SGCZ: variants seen among roughly 807,000 people sequenced by gnomAD.
SGCZ encodes zeta-sarcoglycan.
In SGCZ, 40 loss-of-function variants were observed where a neutral mutation model predicts 41.3. The observed-to-expected ratio is 0.97, with a 90% CI of 0.75 to 1.26. SGCZ has a LOEUF of 1.26. Ranked by LOEUF, SGCZ falls within the 50% of genes most tolerant of loss-of-function variation. The pLI, the probability that SGCZ is intolerant of heterozygous loss-of-function variation, is 0.00. For synonymous variants in SGCZ, 206 were observed against 137.5 expected (o/e 1.50, Z -3.49); for missense variants, 552 against 369.8 (o/e 1.49, Z -4.04).
intron 2 of SGCZ, among the ~76,000 whole-genome samples, chr8:14,401,956 C>A (rs1799088844): frequency 6.6e-6 from 1 of 151,482 alleles, no homozygotes; most frequent in African/African-American, 2.4e-5. Context: ...CCTGTTGTTT[C>A]CTGACTTTTT....
intron 1 of SGCZ, among the ~76,000 whole-genome samples, chr8:14,652,766 G>A (rs879329294): frequency 6.6e-6 from 1 of 152,122 alleles, no homozygotes; most frequent in Non-Finnish European, 1.5e-5. Context: ...CAAATTCACA[G>A]TGACTACATG....
intron 2 of SGCZ, among the ~76,000 whole-genome samples, chr8:14,459,830 A>G (rs920063746): frequency 1.3e-5 from 2 of 152,330 alleles, no homozygotes; most frequent in Admixed American, 6.5e-5. Flanking sequence ...CAATATAATC[A>G]AAAGAAAACA....
At chr8:14,911,250 T>C in intron 1 of SGCZ, among the ~76,000 whole-genome samples, 1 of 152,074 alleles carries the variant, frequency 6.6e-6, no homozygotes, top group East Asian at 1.9e-4. Context: ...TAGAACCTAA[T>C]GACTCACATT....
chr8:15,190,091 C>T (rs374503082), intron 1 of SGCZ, among the ~76,000 whole-genome samples: 1 of 152,130 alleles, frequency 6.6e-6, no homozygotes. Context: ...ATGCCAGGCA[C>T]CTTCACAAAC....
chr8:14,654,536 C>T (rs1807499447), intron 1 of SGCZ, among the ~76,000 whole-genome samples: 2 of 152,206 alleles, frequency 1.3e-5, no homozygotes, highest in South Asian at 2.1e-4. Flanking sequence ...TTTACTACTA[C>T]TGCTACCACT....
intron 1 of SGCZ, among the ~76,000 whole-genome samples, chr8:14,819,470 T>A (rs530616326): frequency 1.7e-4 from 26 of 152,172 alleles, no homozygotes; most frequent in Admixed American, 1.1e-3. Context: ...ACTGGCCTTA[T>A]AGGGAACACT....
At chr8:14,572,707 C>T (rs1397192525) in intron 1 of SGCZ, among the ~76,000 whole-genome samples, 1 of 152,114 alleles carries the variant, frequency 6.6e-6, no homozygotes, top group Non-Finnish European at 1.5e-5. Flanking sequence ...CTTCATACAT[C>T]TGTACCACTC....
intron 1 of SGCZ, among the ~76,000 whole-genome samples, chr8:15,202,254 T>C (rs891599892): frequency 1.3e-5 from 2 of 152,174 alleles, no homozygotes; most frequent in African/African-American, 4.8e-5. Flanking sequence ...CAAATGCTCA[T>C]GAATCAATGA....
intron 1 of SGCZ, among the ~76,000 whole-genome samples, chr8:14,810,854 T>C (rs1801717508): frequency 6.6e-6 from 1 of 152,058 alleles, no homozygotes; most frequent in Non-Finnish European, 1.5e-5. Flanking sequence ...CTGACTATAA[T>C]ACAAAATATT....
intron 1 of SGCZ, among the ~76,000 whole-genome samples, chr8:14,574,480 A>G (rs1272932651): frequency 6.6e-6 from 1 of 152,180 alleles, no homozygotes. Flanking sequence ...GGATCCTGCC[A>G]TGTACCAGGG....
intron 1 of SGCZ, among the ~76,000 whole-genome samples, chr8:14,964,335 A>T (rs1801062948): frequency 6.6e-6 from 1 of 152,200 alleles, no homozygotes; most frequent in African/African-American, 2.4e-5. Flanking sequence ...AAATTTGACT[A>T]TTCCTCATGT....
intron 4 of SGCZ, among the ~76,000 whole-genome samples, chr8:14,227,072 T>C (rs1264779759): frequency 6.6e-6 from 1 of 152,024 alleles, no homozygotes; most frequent in African/African-American, 2.4e-5. Flanking sequence ...AGGTGAGCAA[T>C]CAGCCCGCAA....
At chr8:14,094,298 C>G (rs1449550022) in intron 7 of SGCZ, among the ~76,000 whole-genome samples, 1 of 151,978 alleles carries the variant, frequency 6.6e-6, no homozygotes, top group Non-Finnish European at 1.5e-5. Context: ...CCTAGCCCCC[C>G]CATGCCAGAG....
intron 2 of SGCZ, among the ~76,000 whole-genome samples, chr8:14,402,542 G>C (rs1404930409): frequency 6.8e-6 from 1 of 147,590 alleles, no homozygotes; most frequent in African/African-American, 2.7e-5. Context: ...TTATTAAATA[G>C]GGAATCCTTT....
intron 1 of SGCZ, among the ~76,000 whole-genome samples, chr8:15,040,615 C>CT (rs756367038): frequency 3.9e-5 from 6 of 152,218 alleles, no homozygotes; most frequent in Admixed American, 6.5e-5. Context: ...GAGCAAAACT[C>CT]TATCTCAAAA....
At chr8:14,537,956 A>G (rs1207659875) in intron 2 of SGCZ, among the ~76,000 whole-genome samples, 1 of 151,952 alleles carries the variant, frequency 6.6e-6, no homozygotes, top group East Asian at 1.9e-4. Flanking sequence ...TGTTTTATCC[A>G]TCACATATAT....
At chr8:14,895,790 C>A (rs187683232) in intron 1 of SGCZ, among the ~76,000 whole-genome samples, 22 of 152,336 alleles carry the variant, frequency 1.4e-4, no homozygotes, top group Non-Finnish European at 2.9e-4. Context: ...AAGCTACACA[C>A]TGGAATAGCC....
intron 1 of SGCZ, among the ~76,000 whole-genome samples, chr8:14,854,038 T>C (rs936962438): frequency 6.9e-6 from 1 of 143,912 alleles, no homozygotes; most frequent in Non-Finnish European, 1.5e-5. Context: ...TATATATATA[T>C]ATATATATAT....
At chr8:14,582,772 C>G (rs1207941312) in intron 1 of SGCZ, among the ~76,000 whole-genome samples, 1 of 148,578 alleles carries the variant, frequency 6.7e-6, no homozygotes, top group Non-Finnish European at 1.5e-5. Flanking sequence ...GGTTTTTTGT[C>G]CTTGCGATAG....
Sources: allele counts gnomAD v4.1 joint callset (sites outside exome capture counted in the v4.1 genomes callset), GRCh38; gene constraint gnomAD v4.1.1; transcripts MANE v1.5; gene names NCBI Gene and HGNC (gene_info 2026-07-23, HGNC 2026-07-21).